The following LRP12 variants were observed in gnomAD, a reference collection of about 807,000 sequenced individuals.
LRP12 encodes low-density lipoprotein receptor-related protein 12.
In LRP12, 14 loss-of-function variants were observed where a neutral mutation model predicts 66.0. The ratio of observed to expected loss-of-function variants is 0.21; its 90% CI spans 0.14 to 0.33. LRP12 has a LOEUF of 0.33. LRP12 is among the 10% of genes least tolerant of loss of function. LRP12 has a pLI of 1.00. For synonymous variants in LRP12, 357 were observed against 359.1 expected (o/e 0.99, Z 0.07); for missense variants, 889 against 1,053.4 (o/e 0.84, Z 2.16).
At chr8:104,496,748 G>A (rs1454260857) in intron 5 of LRP12, among the ~76,000 whole-genome samples, 2 of 152,076 alleles carry the variant, frequency 1.3e-5, no homozygotes. Context: ...AACAGGAGCT[G>A]GTAAATAGAT....
At chr8:104,520,084 TATGA>T (rs777873167) in intron 2 of LRP12, among the ~76,000 whole-genome samples, 4 of 151,080 alleles carry the variant, frequency 2.6e-5, no homozygotes, top group African/African-American at 9.7e-5. Context: ...CATAGCACAG[TATGA>T]ATGAAGATGA....
At chr8:104,549,876 A>G (rs980100554) in intron 1 of LRP12, among the ~76,000 whole-genome samples, 3 of 152,212 alleles carry the variant, frequency 2.0e-5, no homozygotes, top group Non-Finnish European at 1.5e-5. Context: ...ATTTGCGTCA[A>G]GTTTCCAACA....
intron 2 of LRP12, among the ~76,000 whole-genome samples, chr8:104,515,482 T>A (rs1253917212): frequency 6.6e-6 from 1 of 152,190 alleles, no homozygotes; most frequent in Non-Finnish European, 1.5e-5. Context: ...CAAAATGTGG[T>A]TACTTTTTTT....
At chr8:104,588,732 C>T in intron 1 of LRP12, 87 bp downstream of exon 1, 1 of 1,206,912 alleles carries the variant, frequency 8.3e-7, no homozygotes. Context: ...GCGGGAGTCT[C>T]CAGGGGAACC....
intron 1 of LRP12, among the ~76,000 whole-genome samples, chr8:104,574,835 G>A (rs1812137354): frequency 6.6e-6 from 1 of 151,928 alleles, no homozygotes. Context: ...TTTAAATGTG[G>A]TTAATAGAAA....
At chr8:104,585,989 G>A (rs1364175422) in intron 1 of LRP12, among the ~76,000 whole-genome samples, 2 of 152,184 alleles carry the variant, frequency 1.3e-5, no homozygotes, top group East Asian at 1.9e-4. Context: ...GTAAGCCTAG[G>A]ACAATGCGTA....
At position 104,497,967 on chromosome 8, in the gene LRP12, G is replaced by A. The variant is rs200738187; in HGVS notation, c.585C>T (p.Ser195=). 9.0e-4 allele frequency: 1,454 copies of A among 1,614,076 alleles called. 12 individuals are homozygous for A. In the South Asian group the frequency reaches 0.014, roughly 16 times the overall value. ...CNNMDECGDS[S]DEEICAKEAN... ...CTTCTTTGGCACAGATCTCTTCATCGGAACTATCTCCACATTCATCCATGT... is the reference window on the plus strand; with the variant it reads ...CTTCTTTGGCACAGATCTCTTCATCAGAACTATCTCCACATTCATCCATGT... The change falls in exon 5 of 7, where the codon TCC becomes TCT. Residue 195 remains serine, a synonymous_variant. Coordinates refer to ENST00000276654, the MANE Select transcript of LRP12 (RefSeq NM_013437.5). This position sits in a 1 kb window ranked among gnomAD's most constrained non-coding sequence, Gnocchi z 4.3.
At position 104,546,865 on chromosome 8, in the gene LRP12, AT is replaced by A. The variant is rs1811566361; in HGVS notation, c.80-14903del. On this transcript the variant is annotated intron_variant, in intron 1 of 6. Transcript: ENST00000276654. ...CCAGGCCCTCTTCATTCTTATAATTATTCTTCTTATAATTATTCTTCTTATA... is the reference window on the plus strand; with the variant it reads ...CCAGGCCCTCTTCATTCTTATAATTATCTTCTTATAATTATTCTTCTTATA... Among the ~76,000 whole-genome samples the A allele has an allele frequency of 4.6e-4, 3 of 6,470 alleles. No homozygotes were observed. In the African/African-American group the frequency reaches 8.2e-3, roughly 18 times the overall value. The allele number at this position is 6,470 out of a possible 152,430, so 4.2% of individuals were successfully genotyped here.
chr8:104,558,221 C>CA (rs369624413), intron 1 of LRP12, among the ~76,000 whole-genome samples: 80 of 149,514 alleles, frequency 5.4e-4, no homozygotes, highest in East Asian at 1.6e-3. Flanking sequence ...AACAAACAAA[C>CA]AAAAAAAAAC....
chr8:104,579,908 C>T (rs1430942108), intron 1 of LRP12, among the ~76,000 whole-genome samples: 3 of 152,098 alleles, frequency 2.0e-5, no homozygotes, highest in African/African-American at 7.2e-5. Flanking sequence ...CCCCTCCTTA[C>T]ACCATATACA....
intron 2 of LRP12, among the ~76,000 whole-genome samples, chr8:104,526,113 C>A (rs1387267290): frequency 2.0e-5 from 3 of 152,036 alleles, no homozygotes; most frequent in African/African-American, 4.8e-5. Context: ...ACTTAGGAAT[C>A]CAACTTACAA....
intron 1 of LRP12, among the ~76,000 whole-genome samples, chr8:104,583,874 T>G (rs963379576): frequency 6.6e-6 from 1 of 152,192 alleles, no homozygotes; most frequent in Non-Finnish European, 1.5e-5. Flanking sequence ...ATGTAAGTAT[T>G]AAGTACTTGT....
intron 2 of LRP12, among the ~76,000 whole-genome samples, chr8:104,520,004 GTAAAA>G (rs1488078863): frequency 6.6e-6 from 1 of 151,262 alleles, no homozygotes; most frequent in Admixed American, 6.6e-5. Flanking sequence ...TTATATGGCA[GTAAAA>G]TAAAATACAA....
At chr8:104,499,593 G>A (rs538962950) in intron 3 of LRP12, 74 bp from the exon 4 acceptor site, 1 of 1,007,330 alleles carries the variant, frequency 9.9e-7, no homozygotes, top group South Asian at 1.6e-5. Flanking sequence ...AGTAACTGAG[G>A]ATATTATTAT....
chr8:104,512,705 T>C (rs957306945), intron 2 of LRP12, among the ~76,000 whole-genome samples: 1 of 152,048 alleles, frequency 6.6e-6, no homozygotes, highest in Non-Finnish European at 1.5e-5. Flanking sequence ...AGGAAAAAAA[T>C]TTCAAGTACA....
chr8:104,493,404 T>G (rs528729717), intron 6 of LRP12, among the ~76,000 whole-genome samples: 3 of 152,304 alleles, frequency 2.0e-5, no homozygotes, highest in Admixed American at 2.0e-4. Context: ...AATGTTGAAG[T>G]AGAATTCTCC....
chr8:104,529,532 G>A (rs1248322293), intron 2 of LRP12, among the ~76,000 whole-genome samples: 1 of 152,126 alleles, frequency 6.6e-6, no homozygotes, highest in African/African-American at 2.4e-5. Flanking sequence ...CTCAAGAAGA[G>A]CCTAGTGGTC....
chr8:104,499,572 T>C, intron 3 of LRP12, 53 bp from the exon 4 acceptor site: 4 of 1,285,914 alleles, frequency 3.1e-6, no homozygotes, highest in Non-Finnish European at 4.4e-6. Context: ...GAAAAAAAAA[T>C]CGTATTACAA....
chr8:104,582,224 G>C (rs1302169557), intron 1 of LRP12, among the ~76,000 whole-genome samples: 3 of 152,084 alleles, frequency 2.0e-5, no homozygotes, highest in Admixed American at 6.6e-5. Flanking sequence ...GACAAAACAT[G>C]AGCATAAAAC....
Sources: gnomAD v4.1 joint callset for allele counts (sites outside exome capture counted in the v4.1 genomes callset) on GRCh38, gnomAD v4.1.1 for gene constraint, Gnocchi (gnomAD v3.1) non-coding constraint, MANE v1.5 for transcripts, NCBI Gene and HGNC (gene_info 2026-07-23, HGNC 2026-07-21) for gene names.